Variants in NBPF6 observed in about 807,000 individuals in gnomAD.
NBPF6 encodes the protein NBPF family member NBPF6.
Under a neutral mutation model 20.8 loss-of-function variants are expected in NBPF6, and 2 were observed. The observed-to-expected ratio is 0.10, with a 90% confidence interval of 0.04 to 0.30. NBPF6 has a LOEUF of 0.30. Among genes scored for constraint, NBPF6 ranks in the 10% least tolerant of loss-of-function variants. NBPF6 has a pLI of 1.00. For synonymous variants in NBPF6, 24 were observed against 100.0 expected, an observed-to-expected ratio of 0.24 and a Z score of 4.53; for missense variants, 85 against 260.3, an observed-to-expected ratio of 0.33 and a Z score of 4.63.
In NBPF6 at chr1:108,471,790, T is replaced by A. The variant is rs1277495285; in HGVS notation, c.*1152T>A. Among the ~76,000 whole-genome samples the A allele has an allele frequency of 1.3e-5, 2 of 152,218 alleles. No individual in the cohort carries two copies. The highest frequency in any genetic ancestry group is 1.5e-5 in the Non-Finnish European group (1 of 68,032). The stretch of plus-strand genomic sequence containing the variant: ...AAGTTTTAAATCACTTTAATTAAAT[T>A]TTTTTGCCTATCACCCTGGACTAGT... On this transcript the variant is annotated 3_prime_UTR_variant, in exon 15 of 15. Transcript: ENST00000495380.
At chr1:108,448,304 A>C (rs571051922), upstream of NBPF6, among the ~76,000 whole-genome samples, 19 of 146,872 alleles carry the variant, frequency 1.3e-4, 3 homozygotes, top group Admixed American at 4.7e-4. Context: ...CAGAAAGAAA[A>C]GTTATAAAAA....
upstream of NBPF6, among the ~76,000 whole-genome samples, chr1:108,449,450 ATATATATATATC>A (rs1652754513): frequency 7.4e-5 from 1 of 13,456 alleles, no homozygotes; most frequent in South Asian, 9.8e-3. Flanking sequence ...ATATATATAT[ATATATATATATC>A]TCCAACAATA....
chr1:108,448,288 C>T (rs557429019), upstream of NBPF6, among the ~76,000 whole-genome samples: 6 of 146,144 alleles, frequency 4.1e-5, no homozygotes, highest in East Asian at 1.2e-3. Flanking sequence ...ACCTGACATT[C>T]TGTGTCAGAA....
intron 14 of NBPF6, among the ~76,000 whole-genome samples, chr1:108,468,823 C>CTCA: frequency 1.0e-5 from 1 of 97,170 alleles, no homozygotes; most frequent in African/African-American, 4.8e-5. Context: ...AATAAGCACC[C>CTCA]GGTGAGATTT....
chr1:108,436,859 C>T, the NBPF6 span, among the ~76,000 whole-genome samples: 1 of 41,144 alleles, frequency 2.4e-5, no homozygotes, highest in Non-Finnish European at 5.6e-5. Flanking sequence ...TAGTGTGTAC[C>T]AGAGGCTGGG....
Position 108,465,371 on chromosome 1 carries a change from C to A in NBPF6, c.1607C>A (p.Thr536Asn). 1.0e-5 allele frequency: 10 copies of A among 973,050 alleles called. 1 individual carries two copies. Among genetic ancestry groups the A allele is most frequent in the Non-Finnish European group, 1.2e-5 (8 of 694,512 alleles). 60.3% of individuals were successfully genotyped at this position (973,050 alleles called of 1,614,324 possible). ...TTGGCCCAGCGGGGCCTTTCCTCCA[C>A]CACCTGCAGCTTCTCAGCCAATGCT... is the stretch of plus-strand genomic sequence containing the variant. ...NGLAQRGLSS[T>N]TCSFSANADS... Residue 536 changes from threonine to asparagine, a missense_variant, in exon 13 of 15, where the codon ACC becomes AAC. Thr to Asn is a moderately conservative substitution (Grantham distance 65). Around this residue, in one of 5 missense-constraint regions of NBPF6, gnomAD observed 43 missense variants for 97.3 expected, o/e 0.44. Transcript: ENST00000495380.
chr1:108,437,787 A>AGG, the NBPF6 span, among the ~76,000 whole-genome samples: 5 of 22,884 alleles, frequency 2.2e-4, 1 homozygote, highest in Non-Finnish European at 5.4e-4. Context: ...AGGGAGGGAG[A>AGG]GAGGGAGGGA....
upstream of NBPF6, among the ~76,000 whole-genome samples, chr1:108,448,930 A>T (rs1017774144): frequency 1.6e-4 from 3 of 18,376 alleles, 1 homozygote; most frequent in Non-Finnish European, 6.4e-4. Context: ...AACTAGACAG[A>T]TTTTCATTCT....
Position 108,471,041 on chromosome 1 carries a change from G to A in NBPF6, c.*403G>A, listed in dbSNP as rs188996160. 135 of 169,656 alleles carry A rather than the reference G, an allele frequency of 8.0e-4. No individual in the cohort carries two copies. The highest frequency in any genetic ancestry group is 3.1e-3 in the African/African-American group (129 of 42,032). The allele number at this position is 169,656 out of a possible 1,614,324, so 10.5% of individuals were successfully genotyped here. A position where few individuals can be genotyped will look rare whatever the true frequency, so the allele number is the denominator to read the frequency against. On this transcript the variant is annotated 3_prime_UTR_variant, in exon 15 of 15. Coordinates refer to ENST00000495380, the MANE Select transcript of NBPF6 (RefSeq NM_001143988.2). ...TGAGTTTCATAGGAGGTAACCCTCA[G>A]ATAACTGCAGAATGTAGAACATTGA...
the NBPF6 span, among the ~76,000 whole-genome samples, chr1:108,437,784 G>A: frequency 1.4e-4 from 4 of 28,122 alleles, no homozygotes; most frequent in Non-Finnish European, 3.7e-4. Flanking sequence ...GGGAGGGAGG[G>A]AGAGAGGGAG....
chr1:108,470,661 T>G lies in NBPF6; in HGVS notation c.*23T>G. On this transcript the variant is annotated 3_prime_UTR_variant, in exon 15 of 15. Coordinates refer to ENST00000495380, the MANE Select transcript of NBPF6 (RefSeq NM_001143988.2). Reference sequence around the variant, plus strand: ...TGAAAGAATGTCACAAAAAGCAGCTTTTCCACTTGATAAAAACAACTAAAA... The same window carrying G: ...TGAAAGAATGTCACAAAAAGCAGCTGTTCCACTTGATAAAAACAACTAAAA... The G allele has an allele frequency of 1.3e-6, 2 of 1,551,714 alleles. No homozygotes were observed. The highest frequency in any genetic ancestry group is 1.7e-6 in the Non-Finnish European group (2 of 1,147,440).
chr1:108,467,781 C>A, intron 14 of NBPF6, 116 bp downstream of exon 14: 1 of 1,070,862 alleles, frequency 9.3e-7, no homozygotes, highest in Non-Finnish European at 1.3e-6. Flanking sequence ...GCTGCTCTAA[C>A]CTCTGTCTGG....
In NBPF6 at chr1:108,467,982, C is replaced by A. The variant is rs1178735528; in HGVS notation, c.1875+317C>A. On this transcript the variant is annotated intron_variant, in intron 14 of 14. Coordinates refer to ENST00000495380, the MANE Select transcript of NBPF6 (RefSeq NM_001143988.2). ...AAGCTGCTGAACACAGGGTTGTTTG[C>A]CCGGAATCACACACTCCTTTGGGAA... 4.0e-5 allele frequency among the ~76,000 whole-genome samples: 6 copies of A among 151,178 alleles called. No homozygotes were observed. In the East Asian group the frequency reaches 1.2e-3, roughly 29 times the overall value.
At chr1:108,469,815 A>G (rs2101063798) in intron 14 of NBPF6, among the ~76,000 whole-genome samples, 1 of 150,336 alleles carries the variant, frequency 6.7e-6, no homozygotes, top group East Asian at 1.9e-4. Context: ...ACAAAAACTT[A>G]TAATTATATA....
rs192573026 is a variant in NBPF6, at chr1:108,471,054, T to C, written c.*416T>C. 5.7e-3 allele frequency: 940 copies of C among 163,626 alleles called. 12 individuals carry two copies. The highest frequency in any genetic ancestry group is 0.021 in the African/African-American group (895 of 41,902). 10.1% of individuals were successfully genotyped at this position (163,626 alleles called of 1,614,324 possible). A position where few individuals can be genotyped will look rare whatever the true frequency, so the allele number is the denominator to read the frequency against. On this transcript the variant is annotated 3_prime_UTR_variant, in exon 15 of 15. Coordinates refer to ENST00000495380, the MANE Select transcript of NBPF6 (RefSeq NM_001143988.2). ...AGGTAACCCTCAGATAACTGCAGAA[T>C]GTAGAACATTGAACAGGACAACTGA...
Position 108,471,690 on chromosome 1 carries a change from TA to T in NBPF6, c.*1057del, listed in dbSNP as rs1427355191. Among the ~76,000 whole-genome samples the T allele has an allele frequency of 6.6e-6, 1 of 152,224 alleles. No homozygotes were observed. Among genetic ancestry groups the T allele is most frequent in the Non-Finnish European group, 1.5e-5 (1 of 68,044 alleles). ...ACTTGTTTTTGCTGGCATTCTGTCG[TA>T]AAAAGGAACATTCCCTGCCCAAAGT... is the stretch of plus-strand genomic sequence containing the variant. On this transcript the variant is annotated 3_prime_UTR_variant, in exon 15 of 15. Coordinates refer to ENST00000495380, the MANE Select transcript of NBPF6 (RefSeq NM_001143988.2).
rs1329040609 is a variant in NBPF6 at position 108,452,137 on chromosome 1, C to T, written c.179-53C>T. 4 of 215,140 alleles carry T rather than the reference C, an allele frequency of 1.9e-5. 2 individuals carry two copies. Among genetic ancestry groups the T allele is most frequent in the African/African-American group, 5.7e-5 (2 of 35,060 alleles). The allele number at this position is 215,140 out of a possible 1,614,324, so 13.3% of individuals were successfully genotyped here. A position where few individuals can be genotyped will look rare whatever the true frequency, so the allele number is the denominator to read the frequency against. ...TGCCGCCTGCCCTATAGACACTGAC[C>T]CCAGCAGCATGTCCCACCTTCCACT... On this transcript the variant is annotated intron_variant, in intron 2 of 14. Transcript: ENST00000495380.
In NBPF6 at chr1:108,471,898, T is replaced by C. The variant is rs1481063365; in HGVS notation, c.*1260T>C. 6.6e-6 allele frequency among the ~76,000 whole-genome samples: 1 copy of C among 152,234 alleles called. No homozygotes were observed. Among genetic ancestry groups the C allele is most frequent in the African/African-American group, 2.4e-5 (1 of 41,458 alleles). On this transcript the variant is annotated 3_prime_UTR_variant, in exon 15 of 15. Coordinates refer to ENST00000495380, the MANE Select transcript of NBPF6 (RefSeq NM_001143988.2). ...GAATATAGATTAATAAAAACATTCTTATTTACCTGTTTATATTCTAAAGTA... is the reference window on the plus strand; with the variant it reads ...GAATATAGATTAATAAAAACATTCTCATTTACCTGTTTATATTCTAAAGTA...
Position 108,470,630 on chromosome 1 carries a change from A to C in NBPF6, c.1909A>C (p.Ile637Leu), listed in dbSNP as rs535355454. Reference sequence around the variant, plus strand: ...TACTGCTGAAAGGATGCAAAGGATGATAGGATGAAAGAATGTCACAAAAAG... The same window carrying C: ...TACTGCTGAAAGGATGCAAAGGATGCTAGGATGAAAGAATGTCACAAAAAG... ...PNTAERMQRM[I>L]G The change falls in exon 15 of 15, where the codon ATA (isoleucine) becomes CTA (leucine). Residue 637 changes from isoleucine to leucine, a missense_variant. Ile to Leu is a conservative substitution (Grantham distance 5, BLOSUM62 2). Around this residue, in one of 5 missense-constraint regions of NBPF6, gnomAD observed 31 missense variants for 21.0 expected, o/e 1.48. Transcript: ENST00000495380. 4.2e-5 allele frequency: 66 copies of C among 1,557,786 alleles called. No individual in the cohort carries two copies. Among genetic ancestry groups the C allele is most frequent in the Non-Finnish European group, 5.0e-5 (58 of 1,150,594 alleles).
Sources: gnomAD v4.1 joint callset for allele counts (sites outside exome capture counted in the v4.1 genomes callset) on GRCh38, gnomAD v4.1.1 for gene constraint, gnomAD v4.1.1 regional missense constraint, MANE v1.5 for transcripts, NCBI Gene and HGNC (gene_info 2026-07-23, HGNC 2026-07-21) for gene names.